CAMK4: variants seen among roughly 807,000 people sequenced by gnomAD.
The protein encoded by CAMK4 is calcium/calmodulin dependent protein kinase IV, also known as calcium/calmodulin-dependent protein kinase type IV.
In CAMK4, 22 loss-of-function variants were observed where a neutral mutation model predicts 44.9. That is an observed-to-expected ratio of 0.49 (90% CI 0.35 to 0.70). The LOEUF (loss-of-function observed/expected upper bound fraction) is 0.70. CAMK4 is among the 30% of genes least tolerant of loss of function. The pLI is 0.01. For missense variants in CAMK4, 498 were observed against 586.8 expected, an observed-to-expected ratio of 0.85 and a Z score of 1.56; for synonymous variants, 218 against 215.4, an observed-to-expected ratio of 1.01 and a Z score of -0.11.
intron 1 of CAMK4, among the ~76,000 whole-genome samples, chr5:111,238,201 CCT>C (rs1561354206): frequency 6.6e-6 from 1 of 152,166 alleles, no homozygotes; most frequent in Non-Finnish European, 1.5e-5. Context: ...CTGATTTCTC[CCT>C]GTTTCCTTCA....
chr5:111,470,758 G>C (rs920479715), intron 7 of CAMK4, among the ~76,000 whole-genome samples: 1 of 152,220 alleles, frequency 6.6e-6, no homozygotes, highest in Non-Finnish European at 1.5e-5. Context: ...CCTATTGAAA[G>C]TCTCATCAAA....
At chr5:111,280,236 A>G (rs1370298478) in intron 1 of CAMK4, among the ~76,000 whole-genome samples, 1 of 151,674 alleles carries the variant, frequency 6.6e-6, no homozygotes. Context: ...TTCTAATTAG[A>G]AAAATATCAG....
chr5:111,228,052 C>T (rs2112488488), intron 1 of CAMK4, among the ~76,000 whole-genome samples: 1 of 152,296 alleles, frequency 6.6e-6, no homozygotes, highest in African/African-American at 2.4e-5. Flanking sequence ...ATGGCCCAGC[C>T]TGCTTGGTGG....
At chr5:111,271,788 C>G (rs1324349674) in intron 1 of CAMK4, among the ~76,000 whole-genome samples, 2 of 152,120 alleles carry the variant, frequency 1.3e-5, no homozygotes, top group Non-Finnish European at 2.9e-5. Flanking sequence ...TCTTCCTGCT[C>G]TTGTTTAGTT....
intron 9 of CAMK4, among the ~76,000 whole-genome samples, chr5:111,478,946 T>C (rs1411407294): frequency 1.3e-5 from 2 of 152,182 alleles, no homozygotes; most frequent in Non-Finnish European, 2.9e-5. Context: ...GGCATGATCA[T>C]GGCTCATTGT....
At chr5:111,453,021 G>A (rs898682528) in intron 7 of CAMK4, among the ~76,000 whole-genome samples, 1 of 152,242 alleles carries the variant, frequency 6.6e-6, no homozygotes, top group Non-Finnish European at 1.5e-5. Context: ...ATATAGGCGG[G>A]GGCAGTCTTG....
At chr5:111,321,239 A>C (rs2112694782) in intron 1 of CAMK4, among the ~76,000 whole-genome samples, 1 of 152,280 alleles carries the variant, frequency 6.6e-6, no homozygotes, top group East Asian at 1.9e-4. Flanking sequence ...GTTGCTGCTC[A>C]GGTCTCACCA....
At chr5:111,376,670 G>A (rs1044277048) in intron 3 of CAMK4, among the ~76,000 whole-genome samples, 190 bp from the exon 4 acceptor site, 1 of 151,972 alleles carries the variant, frequency 6.6e-6, no homozygotes, top group Non-Finnish European at 1.5e-5. Context: ...AAAAAATGAG[G>A]TAACTGATAA....
chr5:111,283,538 C>T (rs1722444363), intron 1 of CAMK4, among the ~76,000 whole-genome samples: 1 of 152,140 alleles, frequency 6.6e-6, no homozygotes, highest in South Asian at 2.1e-4. Flanking sequence ...TGCTGATAGC[C>T]ATTGTGGCAG....
At chr5:111,381,561 G>A (rs1278684568) in intron 4 of CAMK4, among the ~76,000 whole-genome samples, 1 of 152,052 alleles carries the variant, frequency 6.6e-6, no homozygotes, top group Non-Finnish European at 1.5e-5. Context: ...TTTTATCCTA[G>A]CCATGCTGGC....
intron 1 of CAMK4, among the ~76,000 whole-genome samples, chr5:111,242,678 CAG>C (rs1749055434): frequency 6.6e-6 from 1 of 152,260 alleles, no homozygotes; most frequent in Non-Finnish European, 1.5e-5. Flanking sequence ...CTTTTCAGAA[CAG>C]CCGTTGCGCT....
intron 1 of CAMK4, among the ~76,000 whole-genome samples, chr5:111,320,935 A>G (rs1453327639): frequency 6.6e-6 from 1 of 152,216 alleles, no homozygotes; most frequent in Non-Finnish European, 1.5e-5. Context: ...TTTCTCTTTT[A>G]TAGTGATCAT....
chr5:111,330,568 C>T (rs1749123612), intron 1 of CAMK4, among the ~76,000 whole-genome samples: 1 of 151,332 alleles, frequency 6.6e-6, no homozygotes, highest in Non-Finnish European at 1.5e-5. Context: ...AGTAGAATAA[C>T]CAGAATACCC....
intron 1 of CAMK4, among the ~76,000 whole-genome samples, chr5:111,248,320 G>A (rs146081047): frequency 0.011 from 1,710 of 148,728 alleles, 26 homozygotes; most frequent in Non-Finnish European, 0.018. Context: ...CTTTCTCTTG[G>A]CAGAAATTAA....
chr5:111,398,843 A>G (rs1191674797), intron 5 of CAMK4, among the ~76,000 whole-genome samples: 1 of 152,090 alleles, frequency 6.6e-6, no homozygotes, highest in East Asian at 1.9e-4. Flanking sequence ...TCACGTCCAA[A>G]TAATCCCAAA....
At chr5:111,240,957 T>C (rs1350355931) in intron 1 of CAMK4, among the ~76,000 whole-genome samples, 1 of 152,164 alleles carries the variant, frequency 6.6e-6, no homozygotes, top group Non-Finnish European at 1.5e-5. Context: ...TGTTAATGAA[T>C]CTTTTAAATT....
intron 2 of CAMK4, among the ~76,000 whole-genome samples, chr5:111,345,138 C>T (rs1441494185): frequency 6.6e-6 from 1 of 151,766 alleles, no homozygotes; most frequent in Non-Finnish European, 1.5e-5. Flanking sequence ...TTTAGAATCT[C>T]ATATAATGAA....
intron 5 of CAMK4, among the ~76,000 whole-genome samples, chr5:111,428,445 A>G (rs1317245246): frequency 6.6e-6 from 1 of 152,256 alleles, no homozygotes; most frequent in Non-Finnish European, 1.5e-5. Flanking sequence ...CAGACAGAGA[A>G]TTCAAAATAG....
intron 7 of CAMK4, among the ~76,000 whole-genome samples, chr5:111,463,662 A>G (rs1005972702): frequency 1.7e-4 from 26 of 152,212 alleles, no homozygotes; most frequent in African/African-American, 6.3e-4. Context: ...GGTTTACACC[A>G]CAAGACTCTG....
Sources: gnomAD v4.1 joint callset for allele counts (sites outside exome capture counted in the v4.1 genomes callset) on GRCh38, gnomAD v4.1.1 for gene constraint, MANE v1.5 for transcripts, NCBI Gene and HGNC (gene_info 2026-07-23, HGNC 2026-07-21) for gene names.